ABCG1: variants seen among roughly 807,000 people sequenced by gnomAD.
ABCG1 encodes ATP binding cassette subfamily G member 1, also known as ATP-binding cassette sub-family G member 1.
ABCG1 carries 29 observed loss-of-function variants against 69.2 expected under a neutral mutation model. The ratio of observed to expected loss-of-function variants is 0.42; its 90% CI spans 0.31 to 0.57. The LOEUF is 0.57. Among genes scored for constraint, ABCG1 ranks in the 20% least tolerant of loss-of-function variants. ABCG1 has a pLI of 0.15. For missense variants in ABCG1, 718 were observed against 898.1 expected, an observed-to-expected ratio of 0.80 and a Z score of 2.56; for synonymous variants, 370 against 374.8, an observed-to-expected ratio of 0.99 and a Z score of 0.15.
chr21:42,234,524 C>A (rs1213440622), intron 2 of ABCG1, among the ~76,000 whole-genome samples: 6 of 152,202 alleles, frequency 3.9e-5, no homozygotes, highest in Admixed American at 2.0e-4. Context: ...GACACCTCTG[C>A]CCACCCTGGC....
At chr21:42,256,306 G>A (rs976873208) in intron 2 of ABCG1, 35 of 1,533,312 alleles carry the variant, frequency 2.3e-5, no homozygotes, top group South Asian at 1.1e-4. Flanking sequence ...ACTTTTGCCC[G>A]GAGTCTACAG....
intron 2 of ABCG1, among the ~76,000 whole-genome samples, chr21:42,204,621 T>A (rs1412836936): frequency 6.6e-6 from 1 of 152,192 alleles, no homozygotes; most frequent in Admixed American, 6.5e-5. Context: ...TTTTAAAATA[T>A]ATTCCTGACT....
intron 8 of ABCG1, chr21:42,286,270 C>T (rs1008136012): frequency 2.6e-6 from 1 of 391,836 alleles, no homozygotes; most frequent in Non-Finnish European, 4.6e-6. Context: ...GATTCAGGGC[C>T]CACCCTAAGT....
chr21:42,204,266 G>A (rs1324168018), intron 2 of ABCG1, among the ~76,000 whole-genome samples: 2 of 152,116 alleles, frequency 1.3e-5, no homozygotes, highest in African/African-American at 4.8e-5. Flanking sequence ...ACACTGGCTG[G>A]AAATTCCAGC....
chr21:42,205,218 T>C (rs539818135), intron 2 of ABCG1, among the ~76,000 whole-genome samples: 1 of 152,328 alleles, frequency 6.6e-6, no homozygotes, highest in South Asian at 2.1e-4. Context: ...GTGGGATCTG[T>C]AGTGATGTCG....
intron 2 of ABCG1, among the ~76,000 whole-genome samples, chr21:42,260,908 G>A (rs2068397813): frequency 6.6e-6 from 1 of 151,574 alleles, no homozygotes; most frequent in African/African-American, 2.4e-5. Context: ...AACCTCCTCC[G>A]CCTCCCTCGT....
At chr21:42,216,311 G>A, upstream of ABCG1, 1 of 330,276 alleles carries the variant, frequency 3.0e-6, no homozygotes, top group South Asian at 2.3e-5. Flanking sequence ...CCAGCTGTCA[G>A]CAATGCCTTA....
chr21:42,294,624 C>T lies in ABCG1; in HGVS notation c.1736C>T (p.Thr579Met), dbSNP rs770132764. The change falls in exon 14 of 15, where the codon ACG becomes ATG. Residue 579 changes from threonine to methionine, a missense_variant. By Grantham distance (81) the Thr-to-Met change is moderately conservative (BLOSUM62 -1). Around this residue, in one of 2 missense-constraint regions of ABCG1, gnomAD observed 204 missense variants for 323.8 expected, o/e 0.63. Transcript: ENST00000398449. The part of the protein sequence containing the change: ...GFFVSFDTIP[T>M]YLQWMSYISY... ...TTCGTCAGCTTCGACACCATCCCCA[C>T]GTACCTACAGTGGATGTCCTACATC... 1.8e-5 allele frequency: 29 copies of T among 1,614,106 alleles called. No homozygotes were observed. The highest frequency in any genetic ancestry group is 5.5e-5 in the South Asian group (5 of 91,094).
chr21:42,284,631 T>C lies in ABCG1; in HGVS notation c.806T>C (p.Ile269Thr), dbSNP rs770636682. 3.1e-6 allele frequency: 5 copies of C among 1,613,872 alleles called. No homozygotes were observed. The highest frequency in any genetic ancestry group is 1.7e-5 in the Admixed American group (1 of 60,004). Residue 269 changes from isoleucine (I) to threonine (T), a missense_variant, in exon 7 of 15, where the codon ATC becomes ACC. Coordinates refer to ENST00000398449, the MANE Select transcript of ABCG1 (RefSeq NM_016818.3). The part of the protein sequence containing the change: ...MKGLAQGGRS[I>T]ICTIHQPSAK... ...GGGCTCGCTCAAGGGGGTCGCTCCATCATTTGCACCATCCACCAGCCCAGC... is the reference window on the plus strand; with the variant it reads ...GGGCTCGCTCAAGGGGGTCGCTCCACCATTTGCACCATCCACCAGCCCAGC...
intron 5 of ABCG1, among the ~76,000 whole-genome samples, chr21:42,280,481 AG>A (rs1273992953): frequency 1.3e-5 from 2 of 152,194 alleles, no homozygotes; most frequent in Non-Finnish European, 2.9e-5. Context: ...GGGAAGCCCC[AG>A]GGGGGCTGGA....
intron 2 of ABCG1, among the ~76,000 whole-genome samples, chr21:42,228,317 C>G (rs925262292): frequency 6.6e-6 from 1 of 152,150 alleles, no homozygotes; most frequent in Non-Finnish European, 1.5e-5. Context: ...CAGGATATGT[C>G]TGCTGTGTTC....
At chr21:42,290,952 T>C (rs2069045706) in intron 11 of ABCG1, 140 bp from the exon 12 acceptor site, 1 of 632,644 alleles carries the variant, frequency 1.6e-6, no homozygotes, top group Non-Finnish European at 2.8e-6. Context: ...GCAAAACACA[T>C]CCTCTGTTTG....
In ABCG1 at chr21:42,225,681, G is replaced by A; in HGVS notation, c.53G>A (p.Ser18Asn). The A allele has an allele frequency of 1.2e-6, 2 of 1,612,462 alleles. No homozygotes were observed. The highest frequency in any genetic ancestry group is 8.5e-7 in the Non-Finnish European group (1 of 1,179,786). ...CTCTGGTTTTTCTAGAATGCCAGCA[G>A]TTACTCTGCAGAGATGACGGAGCCC... ...FSVGTAMNAS[S>N]YSAEMTEPKS... Residue 18 changes from serine (S) to asparagine (N), a missense_variant, in exon 2 of 15, where the codon AGT becomes AAT. Transcript: ENST00000398449.
chr21:42,200,236 G>A (rs993297996), intron 1 of ABCG1, among the ~76,000 whole-genome samples: 15 of 152,330 alleles, frequency 9.8e-5, no homozygotes, highest in African/African-American at 1.7e-4. Flanking sequence ...GAGCATGTGC[G>A]GCCAGCCGGG....
intron 2 of ABCG1, among the ~76,000 whole-genome samples, chr21:42,264,808 G>C (rs1225085339): frequency 1.3e-5 from 2 of 152,158 alleles, no homozygotes; most frequent in Non-Finnish European, 2.9e-5. Context: ...AGCGCTGTTT[G>C]GGGTGCTGGT....
intron 2 of ABCG1, among the ~76,000 whole-genome samples, chr21:42,245,571 G>T (rs945409602): frequency 2.0e-5 from 3 of 152,202 alleles, no homozygotes; most frequent in African/African-American, 7.2e-5. Flanking sequence ...GAAGAAGAAG[G>T]ACAGAGGACA....
intron 6 of ABCG1, among the ~76,000 whole-genome samples, chr21:42,284,291 C>A (rs944636296): frequency 6.6e-6 from 1 of 152,206 alleles, no homozygotes; most frequent in African/African-American, 2.4e-5. Context: ...GGGGACCCCC[C>A]CCCAGTCCTG....
chr21:42,234,687 G>A (rs2067950727), intron 2 of ABCG1, among the ~76,000 whole-genome samples: 1 of 152,234 alleles, frequency 6.6e-6, no homozygotes, highest in Admixed American at 6.5e-5. Flanking sequence ...GAGTAAAAAA[G>A]CCCGTCCTTT....
rs1365845128 is a variant in ABCG1, at chr21:42,273,065, G to A, written c.405-238G>A. Among the ~76,000 whole-genome samples, 1 of 152,198 alleles carries A rather than the reference G, an allele frequency of 6.6e-6. No homozygotes were observed. The highest frequency in any genetic ancestry group is 1.5e-5 in the Non-Finnish European group (1 of 68,030). ...AGTATAAACACACCATCCCACGGAG[G>A]CCTGTGTGCAGCTTCCTCTTCCCAG... On this transcript the variant is annotated intron_variant, in intron 3 of 14. Coordinates refer to ENST00000398449, the MANE Select transcript of ABCG1 (RefSeq NM_016818.3). This position sits in a 1 kb window ranked among gnomAD's most constrained non-coding sequence, Gnocchi z 5.3.
Sources: gnomAD v4.1 joint callset for allele counts (sites outside exome capture counted in the v4.1 genomes callset) on GRCh38, gnomAD v4.1.1 for gene constraint, gnomAD v4.1.1 regional missense constraint, Gnocchi (gnomAD v3.1) non-coding constraint, MANE v1.5 for transcripts, NCBI Gene and HGNC (gene_info 2026-07-23, HGNC 2026-07-21) for gene names.